The following SNX7 variants were observed in gnomAD, a reference collection of about 807,000 sequenced individuals.
The protein encoded by SNX7 is sorting nexin-7.
A neutral mutation model predicts 48.4 loss-of-function variants in SNX7; 35 were observed. The ratio of observed to expected loss-of-function variants is 0.72; its 90% CI spans 0.55 to 0.96. The LOEUF (loss-of-function observed/expected upper bound fraction) is 0.96. SNX7 is among the 40% of genes least tolerant of loss of function. The pLI is 0.00. For missense variants in SNX7, 553 were observed against 548.9 expected (o/e 1.01, Z -0.07); for synonymous variants, 190 against 190.2 (o/e 1.00, Z 0.01).
Position 98,760,240 on chromosome 1 carries a change from C to A in SNX7, c.*109C>A, listed in dbSNP as rs112126436. 76 of 829,120 alleles carry A rather than the reference C, an allele frequency of 9.2e-5. No individual in the cohort carries two copies. In the African/African-American group the frequency reaches 1.0e-3, roughly 11 times the overall value. The allele number at this position is 829,120 out of a possible 1,614,324, so 51.4% of individuals were successfully genotyped here. On this transcript the variant is annotated 3_prime_UTR_variant, in exon 9 of 9. Coordinates refer to ENST00000306121, the MANE Select transcript of SNX7 (RefSeq NM_015976.5). ...AAAGTGGATGAAAAATGTTTTGTAC[C>A]CATCTGGAAAACCAACAACTTGAAA...
chr1:98,668,521 C>G (rs1649667370), intron 1 of SNX7, among the ~76,000 whole-genome samples: 1 of 152,178 alleles, frequency 6.6e-6, no homozygotes. Flanking sequence ...GGGCTTAGAT[C>G]CATTAACACT....
At chr1:98,694,915 G>A (rs955668480) in intron 4 of SNX7, among the ~76,000 whole-genome samples, 2 of 151,862 alleles carry the variant, frequency 1.3e-5, no homozygotes, top group African/African-American at 4.8e-5. Context: ...CCTGCTCTGG[G>A]ATCTTGAGCA....
chr1:98,709,397 C>T (rs575933423), intron 7 of SNX7, among the ~76,000 whole-genome samples: 50 of 152,242 alleles, frequency 3.3e-4, no homozygotes, highest in African/African-American at 1.1e-3. Context: ...CCTACCTGGT[C>T]GCTCTAGGCA....
chr1:98,755,257 G>A (rs1654784793), intron 8 of SNX7, among the ~76,000 whole-genome samples: 1 of 152,072 alleles, frequency 6.6e-6, no homozygotes, highest in African/African-American at 2.4e-5. Context: ...ATGGGCATGT[G>A]AAAGAAAATA....
intron 7 of SNX7, among the ~76,000 whole-genome samples, chr1:98,725,282 G>A (rs1355176363): frequency 6.6e-6 from 1 of 152,152 alleles, no homozygotes; most frequent in Non-Finnish European, 1.5e-5. Context: ...ATCACTGTGT[G>A]TTGATGTAGA....
chr1:98,733,469 C>G (rs1653621612), intron 7 of SNX7, among the ~76,000 whole-genome samples: 1 of 152,102 alleles, frequency 6.6e-6, no homozygotes, highest in Non-Finnish European at 1.5e-5. Flanking sequence ...GGAGAAATCC[C>G]TTTAGGACCT....
At chr1:98,732,599 A>AT (rs940668643) in intron 7 of SNX7, among the ~76,000 whole-genome samples, 4 of 152,060 alleles carry the variant, frequency 2.6e-5, no homozygotes, top group Admixed American at 6.6e-5. Context: ...TTTCAGCTTA[A>AT]TTTTTTTCCT....
intron 1 of SNX7, among the ~76,000 whole-genome samples, chr1:98,664,384 C>T (rs148210984): frequency 0.012 from 1,751 of 151,966 alleles, 22 homozygotes; most frequent in African/African-American, 0.04. Context: ...AAAAATTAGC[C>T]GGGTGTGGTG....
intron 1 of SNX7, among the ~76,000 whole-genome samples, chr1:98,674,972 CAG>C (rs1481366543): frequency 6.6e-6 from 1 of 152,108 alleles, no homozygotes; most frequent in Non-Finnish European, 1.5e-5. Flanking sequence ...ATTTGTCACA[CAG>C]ATAATTTTTA....
intron 7 of SNX7, among the ~76,000 whole-genome samples, chr1:98,703,130 T>C (rs927148611): frequency 1.6e-4 from 25 of 152,130 alleles, no homozygotes; most frequent in Non-Finnish European, 2.8e-4. Flanking sequence ...ACTGGAGTGC[T>C]CCCAGGCCCT....
At chr1:98,723,232 G>A (rs906654471) in intron 7 of SNX7, among the ~76,000 whole-genome samples, 2 of 152,100 alleles carry the variant, frequency 1.3e-5, no homozygotes, top group Non-Finnish European at 2.9e-5. Flanking sequence ...CATTATCTGG[G>A]AACTATTATT....
At chr1:98,747,279 T>C (rs114917749) in intron 8 of SNX7, among the ~76,000 whole-genome samples, 173 of 152,272 alleles carry the variant, frequency 1.1e-3, no homozygotes, top group African/African-American at 3.9e-3. Flanking sequence ...TGGGTAATAG[T>C]GTTGATCTCT....
At chr1:98,711,208 G>C (rs1652287177) in intron 7 of SNX7, among the ~76,000 whole-genome samples, 2 of 151,920 alleles carry the variant, frequency 1.3e-5, no homozygotes, top group South Asian at 4.2e-4. Flanking sequence ...ATAGAGACAG[G>C]GTTTCGCCAT....
chr1:98,726,792 A>G (rs758493643), intron 7 of SNX7, among the ~76,000 whole-genome samples: 1 of 152,360 alleles, frequency 6.6e-6, no homozygotes, highest in East Asian at 1.9e-4. Context: ...TGCCCAGTGC[A>G]ATGTGAATCT....
chr1:98,737,806 A>T (rs940170264), intron 7 of SNX7, among the ~76,000 whole-genome samples: 2 of 152,188 alleles, frequency 1.3e-5, no homozygotes, highest in African/African-American at 4.8e-5. Flanking sequence ...CTTCAGCTAA[A>T]AACCATTAAA....
At chr1:98,756,996 C>T (rs1350544570) in intron 8 of SNX7, among the ~76,000 whole-genome samples, 1 of 151,976 alleles carries the variant, frequency 6.6e-6, no homozygotes, top group African/African-American at 2.4e-5. Flanking sequence ...TGAGTGCTTG[C>T]TCTGAGTTCA....
chr1:98,661,700 C>T (rs1269910005), upstream of SNX7: 69 of 1,202,798 alleles, frequency 5.7e-5, no homozygotes, highest in Non-Finnish European at 6.5e-5. Context: ...CTGGCGGCGG[C>T]GGTGGCGGCC....
chr1:98,662,810 A>G (rs1649320576), intron 1 of SNX7: 1 of 1,289,194 alleles, frequency 7.8e-7, no homozygotes, highest in Middle Eastern at 2.1e-4. Flanking sequence ...TTACCTGGAG[A>G]TATTAGGTAA....
At chr1:98,719,430 G>C (rs960473570) in intron 7 of SNX7, among the ~76,000 whole-genome samples, 2 of 152,004 alleles carry the variant, frequency 1.3e-5, no homozygotes, top group Non-Finnish European at 2.9e-5. Context: ...TCCCCTTGTA[G>C]GTTTAATTTG....
Sources: allele counts gnomAD v4.1 joint callset (sites outside exome capture counted in the v4.1 genomes callset), GRCh38; gene constraint gnomAD v4.1.1; transcripts MANE v1.5; gene names NCBI Gene and HGNC (gene_info 2026-07-23, HGNC 2026-07-21).